Variants in EYS observed in about 807,000 individuals in gnomAD.
EYS encodes the protein EGF-like photoreceptor maintenance factor, also known as protein eyes shut homolog.
A neutral mutation model predicts 282.1 loss-of-function variants in EYS; 250 were observed. The observed-to-expected ratio is 0.89, with a 90% CI of 0.80 to 0.98. The LOEUF is 0.98. Ranked by LOEUF, EYS falls within the 50% of genes least tolerant of loss-of-function variation. The pLI is 0.00. For synonymous variants in EYS, 1,355 were observed against 1,282.9 expected, an observed-to-expected ratio of 1.06 and a Z score of -1.20; for missense variants, 4,016 against 3,709.0, an observed-to-expected ratio of 1.08 and a Z score of -2.15.
intron 5 of EYS, among the ~76,000 whole-genome samples, chr6:65,440,452 T>C (rs907090853): frequency 4.0e-5 from 6 of 151,854 alleles, no homozygotes; most frequent in African/African-American, 1.4e-4. Flanking sequence ...TTTTCTAAAT[T>C]TTATGAAAAT....
chr6:65,675,991 T>C (rs1014667461), intron 1 of EYS, among the ~76,000 whole-genome samples: 1 of 151,642 alleles, frequency 6.6e-6, no homozygotes, highest in Non-Finnish European at 1.5e-5. Context: ...TACCAATGGA[T>C]CAAAGACAAA....
chr6:65,000,276 T>A (rs1298937293), intron 13 of EYS, among the ~76,000 whole-genome samples: 1 of 152,192 alleles, frequency 6.6e-6, no homozygotes, highest in Non-Finnish European at 1.5e-5. Flanking sequence ...CCATTTCAAC[T>A]GCATTGGTAT....
intron 5 of EYS, 79 bp downstream of exon 5, chr6:65,490,515 T>C (rs1765999299): frequency 1.2e-6 from 1 of 815,042 alleles, no homozygotes; most frequent in South Asian, 1.5e-5. Context: ...ATAAAGGAAA[T>C]ATTTCACATT....
chr6:64,011,571 C>A (rs772472909), intron 33 of EYS, among the ~76,000 whole-genome samples: 9 of 150,884 alleles, frequency 6.0e-5, no homozygotes, highest in Non-Finnish European at 7.4e-5. Flanking sequence ...ATTTCAAAAG[C>A]ACATAAGTAA....
At chr6:64,814,180 C>T (rs1469180859) in intron 21 of EYS, among the ~76,000 whole-genome samples, 1 of 152,024 alleles carries the variant, frequency 6.6e-6, no homozygotes, top group Non-Finnish European at 1.5e-5. Flanking sequence ...TTTCTGACAC[C>T]TGTAGCTGCA....
Position 63,803,353 on chromosome 6 carries a change from G to A in EYS, c.7411+2837C>T, listed in dbSNP as rs144921594. 4.2e-3 allele frequency among the ~76,000 whole-genome samples: 632 copies of A among 151,816 alleles called. 1 individual carries two copies. The highest frequency in any genetic ancestry group is 0.027 in the Middle Eastern group (8 of 292). ...AGGAATTCTTTATTTCCCTTCCTGC[G>A]CTATAGTGGGCACATTCATAGATAT... On this transcript the variant is annotated intron_variant, in intron 37 of 42. Coordinates refer to ENST00000503581, the MANE Select transcript of EYS (RefSeq NM_001142800.2).
chr6:65,434,585 T>C (rs1768005356), intron 5 of EYS, among the ~76,000 whole-genome samples: 1 of 152,086 alleles, frequency 6.6e-6, no homozygotes, highest in Non-Finnish European at 1.5e-5. Flanking sequence ...CTCCAAAGTG[T>C]TGAGATTACA....
chr6:65,570,792 C>T (rs1370426206), intron 2 of EYS, among the ~76,000 whole-genome samples: 1 of 152,102 alleles, frequency 6.6e-6, no homozygotes, highest in African/African-American at 2.4e-5. Context: ...GTTTGGACTG[C>T]TTCTGGAAAC....
chr6:64,854,207 C>A (rs1583225464), intron 19 of EYS, among the ~76,000 whole-genome samples: 1 of 152,128 alleles, frequency 6.6e-6, no homozygotes, highest in Non-Finnish European at 1.5e-5. Flanking sequence ...CCTCAATGAT[C>A]TACAACTAGA....
At chr6:64,859,000 AG>A (rs890772949) in intron 19 of EYS, among the ~76,000 whole-genome samples, 72 of 152,112 alleles carry the variant, frequency 4.7e-4, no homozygotes, top group African/African-American at 1.7e-3. Context: ...GGCAAAAGAA[AG>A]AAATGAAAAG....
At chr6:65,628,815 G>A (rs891052568) in intron 2 of EYS, among the ~76,000 whole-genome samples, 1 of 152,192 alleles carries the variant, frequency 6.6e-6, no homozygotes, top group African/African-American at 2.4e-5. Flanking sequence ...GCGAGGGTCC[G>A]CGGCTTCATT....
At chr6:63,838,704 G>A (rs1346260570) in intron 36 of EYS, among the ~76,000 whole-genome samples, 2 of 152,112 alleles carry the variant, frequency 1.3e-5, no homozygotes, top group East Asian at 1.9e-4. Context: ...CATAGGATAA[G>A]GCCTTTTCTC....
Position 64,591,464 on chromosome 6 carries a change from T to G in EYS, c.4403A>C (p.Asp1468Ala). Residue 1468 changes from aspartate (D) to alanine (A), a missense_variant, in exon 26 of 43, where the codon GAT (aspartate) becomes GCT (alanine). Transcript: ENST00000503581. ...AGAATCAGCTGAATATTCTTCAATA[T>G]CCTCTTGAGCCCCCCTAGAGACAAC... ...TPVVSRGAQE[D>A]IEEYSADSLI... 6.4e-7 allele frequency: 1 copy of G among 1,551,344 alleles called. No individual in the cohort carries two copies. The highest frequency in any genetic ancestry group is 2.4e-5 in the East Asian group (1 of 40,888).
At chr6:64,544,233 AC>A (rs1216908816) in intron 26 of EYS, among the ~76,000 whole-genome samples, 1 of 152,208 alleles carries the variant, frequency 6.6e-6, no homozygotes, top group Non-Finnish European at 1.5e-5. Context: ...CTAAGAGAAT[AC>A]AATTTGGAAT....
At position 64,681,355 on chromosome 6, in the gene EYS, A is replaced by G. The variant is rs79777559; in HGVS notation, c.3444-55110T>C. 6.0e-4 allele frequency among the ~76,000 whole-genome samples: 92 copies of G among 152,288 alleles called. 1 individual carries two copies. Among genetic ancestry groups the G allele is most frequent in the African/African-American group, 2.1e-3 (88 of 41,556 alleles). ...TTTTGTGTTTGGGTTGCTAGAGATCAAGTACAAAGTTGCAATTTCACTGGC... is the reference window on the plus strand; with the variant it reads ...TTTTGTGTTTGGGTTGCTAGAGATCGAGTACAAAGTTGCAATTTCACTGGC... On this transcript the variant is annotated intron_variant, in intron 22 of 42. Transcript: ENST00000503581.
At chr6:63,852,758 G>T (rs1313013879) in intron 36 of EYS, among the ~76,000 whole-genome samples, 1 of 152,158 alleles carries the variant, frequency 6.6e-6, no homozygotes, top group Admixed American at 6.5e-5. Context: ...ACTGAATCCA[G>T]TAGCACATCA....
Position 63,891,895 on chromosome 6 carries a change from A to G in EYS, c.7056-27537T>C, listed in dbSNP as rs377000796. On this transcript the variant is annotated intron_variant, in intron 35 of 42. Coordinates refer to ENST00000503581, the MANE Select transcript of EYS (RefSeq NM_001142800.2). The stretch of plus-strand genomic sequence containing the variant: ...AACTTCAGCAAAATCTCAGGATACA[A>G]AATCAATGTGTAAAAATCACAAGCA... Among the ~76,000 whole-genome samples the G allele has an allele frequency of 1.2e-4, 19 of 152,340 alleles. No homozygotes were observed. The East Asian group carries it at 2.5e-3, about 20-fold the overall frequency.
intron 29 of EYS, among the ~76,000 whole-genome samples, chr6:64,337,376 C>G (rs904206706): frequency 2.0e-5 from 3 of 151,820 alleles, no homozygotes; most frequent in Admixed American, 6.6e-5. Flanking sequence ...ACTAGAAAAC[C>G]TAGAAGAGAT....
Position 65,405,278 on chromosome 6 carries a change from A to T in EYS, c.952T>A (p.Tyr318Asn). The T allele has an allele frequency of 6.2e-7, 1 of 1,613,242 alleles. No individual in the cohort carries two copies. The highest frequency in any genetic ancestry group is 8.5e-7 in the Non-Finnish European group (1 of 1,179,444). Residue 318 changes from tyrosine (Y) to asparagine (N), a missense_variant, in exon 6 of 43, where the codon TAT becomes AAT. Tyr to Asn is a moderately radical substitution (Grantham distance 143). Coordinates refer to ENST00000503581, the MANE Select transcript of EYS (RefSeq NM_001142800.2). ...ICPNSSSAYT[Y>N]ECPKGSSSQN... ...CTGGAAGATCCTTTTGGGCATTCAT[A>T]AGTATAAGCAGAACTGCTATTTGGG...
Sources: gnomAD v4.1 joint callset for allele counts (sites outside exome capture counted in the v4.1 genomes callset) on GRCh38, gnomAD v4.1.1 for gene constraint, MANE v1.5 for transcripts, NCBI Gene and HGNC (gene_info 2026-07-23, HGNC 2026-07-21) for gene names.